Variants in P4HA2 observed in about 807,000 individuals in gnomAD.
P4HA2 encodes prolyl 4-hydroxylase subunit alpha-2.
In P4HA2, 46 loss-of-function variants were observed where a neutral mutation model predicts 76.9. That is an observed-to-expected ratio of 0.60 (90% confidence interval 0.47 to 0.76). P4HA2 has a LOEUF of 0.76. P4HA2 is among the 30% of genes least tolerant of loss of function. The pLI, the probability that P4HA2 is intolerant of heterozygous loss-of-function variation, is 0.00. For missense variants in P4HA2, 583 were observed against 669.4 expected, an observed-to-expected ratio of 0.87 and a Z score of 1.42; for synonymous variants, 243 against 254.0, an observed-to-expected ratio of 0.96 and a Z score of 0.41.
At chr5:132,224,620 A>C (rs2126641403) in intron 1 of P4HA2, among the ~76,000 whole-genome samples, 1 of 152,358 alleles carries the variant, frequency 6.6e-6, no homozygotes, top group South Asian at 2.1e-4. Context: ...GACTGGAATC[A>C]GGTATAATGT....
intron 12 of P4HA2, among the ~76,000 whole-genome samples, chr5:132,197,215 C>A (rs535651449): frequency 6.6e-6 from 1 of 152,312 alleles, no homozygotes; most frequent in African/African-American, 2.4e-5. Context: ...CAGCTCTCAT[C>A]TAGAGAGAGC....
At chr5:132,193,295 T>C in intron 14 of P4HA2, 1 of 482,694 alleles carries the variant, frequency 2.1e-6, no homozygotes, top group Non-Finnish European at 3.7e-6. Context: ...AAGATACATG[T>C]GTGCAGGTTG....
At chr5:132,203,466 T>C in intron 10 of P4HA2, 1 of 421,888 alleles carries the variant, frequency 2.4e-6, no homozygotes, top group Non-Finnish European at 4.4e-6. Flanking sequence ...GCTTCTGTTG[T>C]CAAGAAGACA....
rs751695610 is a variant in P4HA2 at position 132,194,923 on chromosome 5, C to T, written c.1531+3G>A. On this transcript the variant is annotated splice_donor_region_variant and intron_variant, in intron 14 of 14. Transcript: ENST00000360568. The stretch of plus-strand genomic sequence containing the variant: ...CACCAACACTACCCCTTAAGACACT[C>T]ACCCCACTTGCAGCCCACAAGCACA... The T allele has an allele frequency of 1.9e-6, 3 of 1,602,930 alleles. No homozygotes were observed. The Admixed American group carries it at 5.0e-5, about 27-fold the overall frequency.
intron 1 of P4HA2, chr5:132,221,965 G>C (rs1754702580): frequency 6.6e-6 from 1 of 152,230 alleles, no homozygotes; most frequent in South Asian, 2.1e-4. Context: ...CTTTGGAAAA[G>C]ACATTTACAA....
At chr5:132,210,158 T>C in intron 6 of P4HA2, 126 bp downstream of exon 6, 1 of 1,047,794 alleles carries the variant, frequency 9.5e-7, no homozygotes, top group Non-Finnish European at 1.4e-6. Context: ...AGTAAGGCAT[T>C]AGTCACTGGC....
At chr5:132,194,894 C>T in intron 14 of P4HA2, 32 bp downstream of exon 14, 1 of 1,471,204 alleles carries the variant, frequency 6.8e-7, no homozygotes, top group South Asian at 1.1e-5. Context: ...GCTGAGGCCA[C>T]CAACACCAAC....
chr5:132,206,338 C>G (rs190539133), intron 8 of P4HA2, among the ~76,000 whole-genome samples: 1 of 152,208 alleles, frequency 6.6e-6, no homozygotes, highest in East Asian at 1.9e-4. Context: ...CTGGCTAGCC[C>G]CCTTCCTCAG....
intron 10 of P4HA2, 139 bp from the exon 11 acceptor site, chr5:132,199,071 C>T: frequency 3.1e-6 from 2 of 646,984 alleles, no homozygotes; most frequent in South Asian, 1.9e-5. Flanking sequence ...GGAAGACAAC[C>T]ATGCCCTGGC....
At position 132,214,656 on chromosome 5, in the gene P4HA2, G is replaced by T. The variant is rs531201968; in HGVS notation, c.332-603C>A. ...CCTGGAAGTCATCCCCCTCCCCCTA[G>T]GTTGACAGCTGAAGGACCACCTAGA... On this transcript the variant is annotated intron_variant, in intron 4 of 14. Coordinates refer to ENST00000360568, the MANE Select transcript of P4HA2 (RefSeq NM_001017974.2). Among the ~76,000 whole-genome samples the T allele has an allele frequency of 1.1e-3, 166 of 152,186 alleles. 1 individual carries two copies. Among genetic ancestry groups the T allele is most frequent in the African/African-American group, 3.1e-3 (127 of 41,512 alleles).
chr5:132,217,861 G>A lies in P4HA2; in HGVS notation c.83-13C>T, dbSNP rs1561493930. On this transcript the variant is annotated splice_polypyrimidine_tract_variant and intron_variant, in intron 2 of 14. Coordinates refer to ENST00000360568, the MANE Select transcript of P4HA2 (RefSeq NM_001017974.2). ...TCAGTCATGTGCCCTGCAAGGGAGAGAAGAAAGACACCAGTGAGAAACAGA... is the reference window on the plus strand; with the variant it reads ...TCAGTCATGTGCCCTGCAAGGGAGAAAAGAAAGACACCAGTGAGAAACAGA... 6.5e-7 allele frequency: 1 copy of A among 1,529,384 alleles called. No individual in the cohort carries two copies. Among genetic ancestry groups the A allele is most frequent in the South Asian group, 1.1e-5 (1 of 87,700 alleles). 94.7% of individuals were successfully genotyped at this position (1,529,384 alleles called of 1,614,324 possible).
intron 8 of P4HA2, among the ~76,000 whole-genome samples, chr5:132,204,896 C>CCCAAGGGGGACTCG (rs1561474592): frequency 6.6e-6 from 1 of 152,260 alleles, no homozygotes; most frequent in Non-Finnish European, 1.5e-5. Flanking sequence ...TTAGTGAAAC[C>CCCAAGGGGGACTCG]CCAAGGGGGA....
In P4HA2 at chr5:132,209,707, G is replaced by A. The variant is rs191515294; in HGVS notation, c.710-376C>T. Among the ~76,000 whole-genome samples the A allele has an allele frequency of 1.7e-4, 25 of 145,448 alleles. No homozygotes were observed. In the East Asian group the frequency reaches 4.6e-3, roughly 27 times the overall value. ...GGAAAATCTCATCAACCCGGGAGGC[G>A]GAGGTTACAGTGAGCTGAGATCGTG... On this transcript the variant is annotated intron_variant, in intron 6 of 14. Coordinates refer to ENST00000360568, the MANE Select transcript of P4HA2 (RefSeq NM_001017974.2).
At chr5:132,217,592 T>G in intron 3 of P4HA2, 160 bp downstream of exon 3, 1 of 661,000 alleles carries the variant, frequency 1.5e-6, no homozygotes, top group South Asian at 1.8e-5. Context: ...CCTTAGCCCA[T>G]GTACTTAGCT....
At position 132,194,992 on chromosome 5, in the gene P4HA2, G is replaced by C; in HGVS notation, c.1465C>G (p.Arg489Gly). The C allele has an allele frequency of 6.2e-7, 1 of 1,613,086 alleles. No individual in the cohort carries two copies. The highest frequency in any genetic ancestry group is 2.2e-5 in the East Asian group (1 of 44,882). Residue 489 changes from arginine (R) to glycine (G), a missense_variant, in exon 14 of 15, where the codon CGG becomes GGG. Physicochemically the swap from Arg to Gly is moderately radical, Grantham distance 125. Coordinates refer to ENST00000360568, the MANE Select transcript of P4HA2 (RefSeq NM_001017974.2). ...GTAVFWYNLL[R>G]SGEGDYRTRH... ...GTTCGGTAGTCACCTTCCCCGCTCC[G>C]CAAGAGGTTGTACCAGAACACAGCT...
chr5:132,198,229 G>A (rs1248709354), intron 12 of P4HA2, 92 bp downstream of exon 12: 19 of 1,614,048 alleles, frequency 1.2e-5, no homozygotes, highest in South Asian at 2.2e-5. Flanking sequence ...GTAGCCACAC[G>A]ATTCCCCGTC....
intron 12 of P4HA2, 93 bp downstream of exon 12, chr5:132,198,228 C>G (rs200907354): frequency 6.2e-6 from 10 of 1,614,166 alleles, no homozygotes; most frequent in South Asian, 4.4e-5. Flanking sequence ...AGTAGCCACA[C>G]GATTCCCCGT....
At chr5:132,217,645 C>A in intron 3 of P4HA2, 107 bp downstream of exon 3, 2 of 789,188 alleles carry the variant, frequency 2.5e-6, no homozygotes, top group Non-Finnish European at 2.3e-6. Flanking sequence ...AGCCCCACAT[C>A]ACCCTCTCAA....
At position 132,214,038 on chromosome 5, in the gene P4HA2, A is replaced by C; in HGVS notation, c.347T>G (p.Leu116Arg). Reference sequence around the variant, plus strand: ...GGGGAAGAACTGCCGCTGCACAGAGAGGTTGGCGATAAAACCTTCCAAATG... The same window carrying C: ...GGGGAAGAACTGCCGCTGCACAGAGCGGTTGGCGATAAAACCTTCCAAATG... ...QDSAAGFIAN[L>R]SVQRQFFPTD... The change falls in exon 5 of 15, where the codon CTC becomes CGC. Residue 116 changes from leucine (L) to arginine (R), a missense_variant. Coordinates refer to ENST00000360568, the MANE Select transcript of P4HA2 (RefSeq NM_001017974.2). 1 of 1,614,056 alleles carries C rather than the reference A, an allele frequency of 6.2e-7. No individual in the cohort carries two copies. The highest frequency in any genetic ancestry group is 2.2e-5 in the East Asian group (1 of 44,882).
Sources: allele counts gnomAD v4.1 joint callset (sites outside exome capture counted in the v4.1 genomes callset), GRCh38; gene constraint gnomAD v4.1.1; transcripts MANE v1.5; gene names NCBI Gene and HGNC (gene_info 2026-07-23, HGNC 2026-07-21).